DNAJC1: variants seen among roughly 807,000 people sequenced by gnomAD.
DNAJC1 encodes DnaJ heat shock protein family (Hsp40) member C1, also known as dnaJ homolog subfamily C member 1.
A neutral mutation model predicts 76.6 loss-of-function variants in DNAJC1; 58 were observed. That is an observed-to-expected ratio of 0.76 (90% CI 0.61 to 0.94). The LOEUF is 0.94. Ranked by LOEUF, DNAJC1 falls within the 40% of genes least tolerant of loss-of-function variation. The pLI is 0.00. For synonymous variants in DNAJC1, 258 were observed against 267.9 expected (o/e 0.96, Z 0.36); for missense variants, 689 against 677.3 (o/e 1.02, Z -0.19).
intron 1 of DNAJC1, among the ~76,000 whole-genome samples, chr10:21,994,487 T>A (rs1838380897): frequency 6.6e-6 from 1 of 152,132 alleles, no homozygotes; most frequent in African/African-American, 2.4e-5. Flanking sequence ...TAAACTAAAA[T>A]GCTTTAAACA....
intron 1 of DNAJC1, among the ~76,000 whole-genome samples, chr10:21,962,913 C>G (rs1395578137): frequency 1.3e-5 from 2 of 152,004 alleles, no homozygotes; most frequent in South Asian, 4.1e-4. Context: ...AGGAACTTAT[C>G]CTCTGTTTTC....
chr10:21,882,542 A>G lies in DNAJC1; in HGVS notation c.821-103T>C, dbSNP rs1287255299. 1.6e-5 allele frequency: 12 copies of G among 760,142 alleles called. 1 individual carries two copies. In the South Asian group the frequency reaches 2.5e-4, roughly 16 times the overall value. The allele number at this position is 760,142 out of a possible 1,614,324, so 47.1% of individuals were successfully genotyped here. A position where few individuals can be genotyped will look rare whatever the true frequency, so the allele number is the denominator to read the frequency against. On this transcript the variant is annotated intron_variant, in intron 7 of 11. Transcript: ENST00000376980. The stretch of plus-strand genomic sequence containing the variant: ...ATATCCTGAAAGAAAACATCAAAAT[A>G]TAATTGTTCTGTTATAAATAATTGG...
intron 1 of DNAJC1, among the ~76,000 whole-genome samples, chr10:21,994,605 G>A (rs746526573): frequency 1.1e-4 from 17 of 152,024 alleles, no homozygotes; most frequent in Non-Finnish European, 2.2e-4. Flanking sequence ...TGGCTAACAC[G>A]GTGAAACCCC....
intron 1 of DNAJC1, among the ~76,000 whole-genome samples, chr10:21,987,614 G>A (rs752125346): frequency 4.0e-5 from 6 of 151,674 alleles, no homozygotes; most frequent in Non-Finnish European, 8.8e-5. Flanking sequence ...CAGGCTGTTT[G>A]AAAAAAAATT....
intron 1 of DNAJC1, among the ~76,000 whole-genome samples, chr10:21,934,963 A>G (rs1331641774): frequency 1.3e-5 from 2 of 152,322 alleles, no homozygotes; most frequent in South Asian, 2.1e-4. Flanking sequence ...AAAAGTGTCT[A>G]TTTCAGAAAA....
At chr10:21,933,592 C>T (rs1427506276) in intron 1 of DNAJC1, among the ~76,000 whole-genome samples, 1 of 151,658 alleles carries the variant, frequency 6.6e-6, no homozygotes, top group Non-Finnish European at 1.5e-5. Flanking sequence ...ATGTAAACTG[C>T]CCAACTGAGT....
At chr10:21,871,277 G>C (rs1371867556) in intron 8 of DNAJC1, among the ~76,000 whole-genome samples, 3 of 150,270 alleles carry the variant, frequency 2.0e-5, no homozygotes, top group Admixed American at 6.6e-5. Flanking sequence ...ACATACTCAG[G>C]AAAGTTCTGA....
At chr10:21,814,550 C>T (rs543572366) in intron 8 of DNAJC1, among the ~76,000 whole-genome samples, 56 of 152,292 alleles carry the variant, frequency 3.7e-4, no homozygotes, top group Non-Finnish European at 7.6e-4. Flanking sequence ...TGTAATGCTT[C>T]TTAGGGAAGA....
intron 1 of DNAJC1, among the ~76,000 whole-genome samples, chr10:21,948,859 T>C (rs1269520372): frequency 6.6e-5 from 10 of 152,304 alleles, no homozygotes; most frequent in African/African-American, 2.4e-4. Flanking sequence ...TAAAAATGCT[T>C]GCCACTTATC....
intron 1 of DNAJC1, among the ~76,000 whole-genome samples, chr10:21,934,392 G>A (rs1837277696): frequency 6.6e-6 from 1 of 152,054 alleles, no homozygotes; most frequent in Non-Finnish European, 1.5e-5. Flanking sequence ...TATTGTTGAA[G>A]AGATCACATA....
rs139106988 is a variant in DNAJC1 at position 21,842,193 on chromosome 10, C to G, written c.979-36094G>C. ...AGCACACCAACATGGCACATGTATA[C>G]ATATGTAACGAAACTGCATGTTGTG... On this transcript the variant is annotated intron_variant, in intron 8 of 11. Coordinates refer to ENST00000376980, the MANE Select transcript of DNAJC1 (RefSeq NM_022365.4). Among the ~76,000 whole-genome samples the G allele has an allele frequency of 2.8e-3, 423 of 151,080 alleles. 7 individuals carry two copies. Among genetic ancestry groups the G allele is most frequent in the Non-Finnish European group, 4.7e-4 (32 of 67,880 alleles).
chr10:21,977,540 A>T (rs747160913), intron 1 of DNAJC1, among the ~76,000 whole-genome samples: 12 of 152,308 alleles, frequency 7.9e-5, no homozygotes, highest in Middle Eastern at 3.4e-3. Flanking sequence ...ATATCTCTCT[A>T]TTTATAGGCT....
chr10:21,966,366 A>G (rs1473768395), intron 1 of DNAJC1, among the ~76,000 whole-genome samples: 1 of 151,966 alleles, frequency 6.6e-6, no homozygotes, highest in East Asian at 1.9e-4. Flanking sequence ...ACTTTTACCA[A>G]CTAATTTGAG....
chr10:21,999,170 T>C (rs1838472509), intron 1 of DNAJC1, among the ~76,000 whole-genome samples: 1 of 152,192 alleles, frequency 6.6e-6, no homozygotes, highest in African/African-American at 2.4e-5. Context: ...TTCTTCCCTT[T>C]CATTCTCTCC....
intron 7 of DNAJC1, among the ~76,000 whole-genome samples, chr10:21,883,619 C>T (rs1836319564): frequency 6.6e-6 from 1 of 151,924 alleles, no homozygotes. Flanking sequence ...CCTAGTCTAC[C>T]TTAAGTGTAC....
chr10:21,765,226 A>AT (rs1279890008), intron 10 of DNAJC1, among the ~76,000 whole-genome samples: 4 of 151,752 alleles, frequency 2.6e-5, no homozygotes, highest in African/African-American at 7.2e-5. Flanking sequence ...TTTTAAAAAA[A>AT]TTTTTTTTTA....
intron 1 of DNAJC1, among the ~76,000 whole-genome samples, chr10:21,961,360 A>G (rs973198246): frequency 6.6e-6 from 1 of 152,248 alleles, no homozygotes; most frequent in Admixed American, 6.5e-5. Context: ...AACAAAATGC[A>G]GTATATACAT....
intron 1 of DNAJC1, among the ~76,000 whole-genome samples, chr10:21,964,350 G>A (rs1590070304): frequency 2.0e-5 from 3 of 152,040 alleles, no homozygotes. Flanking sequence ...CAGTAGCTGG[G>A]GCTACAGGCA....
At chr10:21,896,970 G>A (rs1358634207) in intron 7 of DNAJC1, among the ~76,000 whole-genome samples, 3 of 152,108 alleles carry the variant, frequency 2.0e-5, no homozygotes, top group Admixed American at 2.0e-4. Context: ...GTGCCCTCCG[G>A]AGGATGTGCA....
Sources: gnomAD v4.1 joint callset for allele counts (sites outside exome capture counted in the v4.1 genomes callset) on GRCh38, gnomAD v4.1.1 for gene constraint, MANE v1.5 for transcripts, NCBI Gene and HGNC (gene_info 2026-07-23, HGNC 2026-07-21) for gene names.